IGFL4: variants seen among roughly 807,000 people sequenced by gnomAD.
IGFL4 encodes insulin growth factor-like family member 4.
In IGFL4, 12 loss-of-function variants were observed where a neutral mutation model predicts 15.4. The ratio of observed to expected loss-of-function variants is 0.78; its 90% CI spans 0.50 to 1.26. The LOEUF is 1.26. IGFL4 is among the 50% of genes most tolerant of loss of function. IGFL4 has a pLI of 0.00. For synonymous variants in IGFL4, 54 were observed against 55.9 expected, an observed-to-expected ratio of 0.97 and a Z score of 0.16; for missense variants, 126 against 147.8, an observed-to-expected ratio of 0.85 and a Z score of 0.76.
chr19:46,062,147 T>C (rs1316614000), intron 1 of IGFL4, among the ~76,000 whole-genome samples: 5 of 152,214 alleles, frequency 3.3e-5, no homozygotes, highest in African/African-American at 1.2e-4. Flanking sequence ...CATAGTGCTC[T>C]TAAAAAATCC....
chr19:46,063,385 C>T (rs1360361170), intron 1 of IGFL4, among the ~76,000 whole-genome samples: 1 of 151,496 alleles, frequency 6.6e-6, no homozygotes, highest in African/African-American at 2.4e-5. Flanking sequence ...TCCCTCTGTC[C>T]TCTTTTATGT....
chr19:46,054,931 T>C (rs1264578819), intron 2 of IGFL4, among the ~76,000 whole-genome samples: 1 of 152,180 alleles, frequency 6.6e-6, no homozygotes, highest in Non-Finnish European at 1.5e-5. Flanking sequence ...GTTTGCCAAA[T>C]CAATACATCC....
chr19:46,061,984 AAC>A (rs1457334745), intron 1 of IGFL4, among the ~76,000 whole-genome samples: 1 of 152,214 alleles, frequency 6.6e-6, no homozygotes, highest in East Asian at 1.9e-4. Flanking sequence ...TGCGAAACAG[AAC>A]AGAGTCTTCG....
intron 2 of IGFL4, chr19:46,058,955 G>T (rs921808175): frequency 1.3e-5 from 2 of 152,190 alleles, no homozygotes; most frequent in African/African-American, 4.8e-5. Context: ...ACTATATAGG[G>T]TAATTTTCTG....
chr19:46,046,651 A>G (rs889094426), intron 2 of IGFL4, among the ~76,000 whole-genome samples: 24 of 152,338 alleles, frequency 1.6e-4, no homozygotes, highest in African/African-American at 5.5e-4. Context: ...AAAAATCCAG[A>G]AAGACAAAGA....
At chr19:46,044,066 C>T (rs992394779), upstream of IGFL4, among the ~76,000 whole-genome samples, 1 of 152,086 alleles carries the variant, frequency 6.6e-6, no homozygotes, top group Non-Finnish European at 1.5e-5. Context: ...GGGTGATGGT[C>T]CACCCAGGAG....
chr19:46,046,335 A>C (rs897969580), intron 2 of IGFL4, among the ~76,000 whole-genome samples: 7 of 152,256 alleles, frequency 4.6e-5, no homozygotes, highest in African/African-American at 1.4e-4. Context: ...TAACACTATG[A>C]AGCAACCAAC....
chr19:46,043,740 A>G (rs1270915669), upstream of IGFL4, among the ~76,000 whole-genome samples: 1 of 150,982 alleles, frequency 6.6e-6, no homozygotes, highest in African/African-American at 2.4e-5. Context: ...CATGCATATG[A>G]AAAAAAAAAT....
At chr19:46,060,590 T>C (rs1449524720) in intron 1 of IGFL4, among the ~76,000 whole-genome samples, 1 of 152,192 alleles carries the variant, frequency 6.6e-6, no homozygotes, top group Non-Finnish European at 1.5e-5. Context: ...CATAAAGTCT[T>C]AGGACAGCCA....
chr19:46,064,071 GAAAAAAAAAA>G lies in IGFL4; in HGVS notation c.-431-3788_-431-3779del, dbSNP rs36026852. 2.1e-5 allele frequency among the ~76,000 whole-genome samples: 3 copies of G among 140,118 alleles called. No individual in the cohort carries two copies. The East Asian group carries it at 6.3e-4, about 29-fold the overall frequency. The allele number at this position is 140,118 out of a possible 152,430, so 91.9% of individuals were successfully genotyped here. On this transcript the variant is annotated intron_variant, in intron 1 of 5. Coordinates refer to the IGFL4 transcript ENST00000601672. ...TGGGTGACAGAACGAGACTCCACCT[GAAAAAAAAAA>G]AAAAATTCCAACAGCTTTTTTCTTC... is the stretch of plus-strand genomic sequence containing the variant.
chr19:46,071,309 G>GGA (rs1312388020), intron 1 of IGFL4, among the ~76,000 whole-genome samples: 1 of 152,112 alleles, frequency 6.6e-6, no homozygotes, highest in Non-Finnish European at 1.5e-5. Flanking sequence ...TTGGGGGTAA[G>GGA]GAGAAGACAC....
intron 1 of IGFL4, among the ~76,000 whole-genome samples, chr19:46,066,964 C>T (rs1008087598): frequency 6.6e-6 from 1 of 152,206 alleles, no homozygotes; most frequent in Non-Finnish European, 1.5e-5. Context: ...AGCTCCTCTC[C>T]TTCAGCCAAG....
chr19:46,047,142 T>C (rs1413976357), intron 2 of IGFL4, among the ~76,000 whole-genome samples: 1 of 152,214 alleles, frequency 6.6e-6, no homozygotes, highest in Non-Finnish European at 1.5e-5. Context: ...AATCTGCTCC[T>C]GAATAACTCT....
intron 2 of IGFL4, chr19:46,058,002 C>T (rs966583135): frequency 6.6e-6 from 1 of 152,042 alleles, no homozygotes; most frequent in Admixed American, 6.5e-5. Context: ...CTGCCCCCAA[C>T]CCCTCCCAAA....
chr19:46,046,225 A>G (rs1227701706), intron 2 of IGFL4, among the ~76,000 whole-genome samples: 1 of 152,204 alleles, frequency 6.6e-6, no homozygotes, highest in Non-Finnish European at 1.5e-5. Flanking sequence ...ATTCGTCACC[A>G]CCAAGCCTGC....
rs1329682091 is a variant in IGFL4, at chr19:46,039,947, A to G, written c.331-11T>C. 3 of 1,611,472 alleles carry G rather than the reference A, an allele frequency of 1.9e-6. No homozygotes were observed. Among genetic ancestry groups the G allele is most frequent in the Non-Finnish European group, 2.5e-6 (3 of 1,177,764 alleles). On this transcript the variant is annotated splice_polypyrimidine_tract_variant and intron_variant, in intron 3 of 3. Transcript: ENST00000377697. ...TTTTGGGTGGTATTCCTGCAGAAGG[A>G]GAGAAGTGGGAGAGGGGAATAAGAG...
chr19:46,073,157 A>G (rs1294347890), intron 1 of IGFL4, among the ~76,000 whole-genome samples: 1 of 152,210 alleles, frequency 6.6e-6, no homozygotes, highest in African/African-American at 2.4e-5. Flanking sequence ...TTAACATTAG[A>G]CGAAGTTGGG....
chr19:46,072,683 G>A (rs552215690), intron 1 of IGFL4, among the ~76,000 whole-genome samples: 1 of 152,340 alleles, frequency 6.6e-6, no homozygotes, highest in East Asian at 1.9e-4. Flanking sequence ...CTTATGATGT[G>A]TTCTGTGGGA....
intron 1 of IGFL4, among the ~76,000 whole-genome samples, chr19:46,065,860 G>A (rs1422767798): frequency 6.6e-6 from 1 of 152,188 alleles, no homozygotes; most frequent in Non-Finnish European, 1.5e-5. Flanking sequence ...AAAATGTGAT[G>A]TGTCAGAAGA....
Sources: allele counts gnomAD v4.1 joint callset (sites outside exome capture counted in the v4.1 genomes callset), GRCh38; gene constraint gnomAD v4.1.1; transcripts MANE v1.5; gene names NCBI Gene and HGNC (gene_info 2026-07-23, HGNC 2026-07-21).